The following CDH22 variants were observed in gnomAD, a reference collection of about 807,000 sequenced individuals.
The protein encoded by CDH22 is cadherin 22.
CDH22 carries 30 observed loss-of-function variants against 58.4 expected under a neutral mutation model. The ratio of observed to expected loss-of-function variants is 0.51; its 90% CI spans 0.38 to 0.70. CDH22 has a LOEUF of 0.70. CDH22 is among the 30% of genes least tolerant of loss of function. The pLI is 0.00. For missense variants in CDH22, 1,014 were observed against 1,233.9 expected (o/e 0.82, Z 2.67); for synonymous variants, 513 against 558.2 (o/e 0.92, Z 1.14).
At chr20:46,227,380 T>C in intron 4 of CDH22, 128 bp downstream of exon 4, 1 of 858,544 alleles carries the variant, frequency 1.2e-6, no homozygotes, top group Admixed American at 2.3e-5. Flanking sequence ...GTGCACAAGG[T>C]GCCCCCTGTG....
Position 46,199,435 on chromosome 20 carries a change from C to T in CDH22, c.1411G>A (p.Ala471Thr), listed in dbSNP as rs1204863589. The change falls in exon 8 of 12, where the codon GCC (alanine) becomes ACC (threonine). Residue 471 changes from alanine (A) to threonine (T), a missense_variant. By Grantham distance (58) the Ala-to-Thr change is moderately conservative. Around this residue, in one of 2 missense-constraint regions of CDH22, gnomAD observed 806 missense variants for 1,038.7 expected, o/e 0.78. Transcript: ENST00000537909. ...TAGWHNITVLAMEADNHAQLS... is the reference protein window; with the variant it reads ...TAGWHNITVLTMEADNHAQLS... Reference sequence around the variant, plus strand: ...GCGCCCAGCTCACCCGCCTCCATGGCCAGCACTGTGATGTTGTGCCAGCCG... The same window carrying T: ...GCGCCCAGCTCACCCGCCTCCATGGTCAGCACTGTGATGTTGTGCCAGCCG... The T allele has an allele frequency of 6.2e-7, 1 of 1,611,606 alleles. No homozygotes were observed. Among genetic ancestry groups the T allele is most frequent in the Non-Finnish European group, 8.5e-7 (1 of 1,179,894 alleles).
At chr20:46,235,138 G>A (rs1431918773) in intron 3 of CDH22, among the ~76,000 whole-genome samples, 1 of 152,224 alleles carries the variant, frequency 6.6e-6, no homozygotes, top group African/African-American at 2.4e-5. Flanking sequence ...TAAAGTAGTG[G>A]TTAATAAATG....
intron 1 of CDH22, among the ~76,000 whole-genome samples, chr20:46,306,853 G>A (rs1171368706): frequency 6.6e-6 from 1 of 152,216 alleles, no homozygotes; most frequent in Non-Finnish European, 1.5e-5. Context: ...GGCACTGATG[G>A]ACACATATAC....
rs573813430 is a variant in CDH22 at position 46,227,671 on chromosome 20, C to G, written c.551-44G>C. ...GCGAGACAGGGGTCATCTGGGGCTGCGGAGCTCGTTCCCCCACTTCGCCTC... is the reference window on the plus strand; with the variant it reads ...GCGAGACAGGGGTCATCTGGGGCTGGGGAGCTCGTTCCCCCACTTCGCCTC... On this transcript the variant is annotated intron_variant, in intron 3 of 11. Transcript: ENST00000537909. 3.6e-5 allele frequency: 57 copies of G among 1,572,242 alleles called. No homozygotes were observed. In the African/African-American group the frequency reaches 7.0e-4, roughly 19 times the overall value.
intron 1 of CDH22, among the ~76,000 whole-genome samples, chr20:46,267,692 C>T (rs1459415363): frequency 6.6e-6 from 1 of 152,242 alleles, no homozygotes; most frequent in Non-Finnish European, 1.5e-5. Context: ...CCATGTGTGA[C>T]CTTGCATGAT....
chr20:46,223,382 C>A (rs1009493008), intron 4 of CDH22, among the ~76,000 whole-genome samples: 2 of 152,170 alleles, frequency 1.3e-5, no homozygotes, highest in African/African-American at 4.8e-5. Flanking sequence ...TCCCCATCTC[C>A]CCAAGGCTTA....
At chr20:46,177,271 G>T (rs183507469) in intron 11 of CDH22, among the ~76,000 whole-genome samples, 1 of 152,218 alleles carries the variant, frequency 6.6e-6, no homozygotes, top group South Asian at 2.1e-4. Context: ...TTACTTGGGT[G>T]GTTACAGCTG....
chr20:46,244,157 G>A (rs1568671425), intron 2 of CDH22, among the ~76,000 whole-genome samples: 2 of 152,148 alleles, frequency 1.3e-5, no homozygotes, highest in African/African-American at 2.4e-5. Flanking sequence ...TCATGTCCCT[G>A]CAGGCCTTGA....
rs995497456 is a variant in CDH22 at position 46,241,572 on chromosome 20, A to G, written c.256-315T>C. Among the ~76,000 whole-genome samples, 1 of 152,100 alleles carries G rather than the reference A, an allele frequency of 6.6e-6. No individual in the cohort carries two copies. The highest frequency in any genetic ancestry group is 1.5e-5 in the Non-Finnish European group (1 of 68,008). ...CCAGTGGCTTCCCATTGCCTTCACAAAGAAGTCCAGCACCACCTCCACACC... is the reference window on the plus strand; with the variant it reads ...CCAGTGGCTTCCCATTGCCTTCACAGAGAAGTCCAGCACCACCTCCACACC... On this transcript the variant is annotated intron_variant, in intron 2 of 11. Transcript: ENST00000537909. This position sits in a 1 kb window ranked among gnomAD's most constrained non-coding sequence, Gnocchi z 5.2.
rs763642139 is a variant in CDH22 at position 46,241,284 on chromosome 20, T to A, written c.256-27A>T. 6.4e-7 allele frequency: 1 copy of A among 1,557,094 alleles called. No homozygotes were observed. The highest frequency in any genetic ancestry group is 1.4e-5 in the African/African-American group (1 of 73,474). ...TGGGTAGGCAGAGAAGAAGGCAAGGTGGAGGCTGAGAAGGAAGCTCCTCTT... is the reference window on the plus strand; with the variant it reads ...TGGGTAGGCAGAGAAGAAGGCAAGGAGGAGGCTGAGAAGGAAGCTCCTCTT... On this transcript the variant is annotated intron_variant, in intron 2 of 11. Transcript: ENST00000537909. The surrounding 1 kb of genome is among the most constrained non-coding windows in gnomAD (Gnocchi z 5.2).
intron 1 of CDH22, among the ~76,000 whole-genome samples, chr20:46,283,314 A>G (rs1458770442): frequency 6.6e-6 from 1 of 152,122 alleles, no homozygotes; most frequent in African/African-American, 2.4e-5. Flanking sequence ...TGAGCTCCAG[A>G]ATTACACAGA....
intron 1 of CDH22, among the ~76,000 whole-genome samples, chr20:46,288,815 C>T (rs1265283369): frequency 1.3e-5 from 2 of 152,200 alleles, no homozygotes; most frequent in African/African-American, 4.8e-5. Flanking sequence ...TTGCCACCTT[C>T]ATTGTTAGCA....
At chr20:46,194,019 C>T (rs543222456) in intron 8 of CDH22, among the ~76,000 whole-genome samples, 45 of 152,216 alleles carry the variant, frequency 3.0e-4, no homozygotes, top group African/African-American at 9.9e-4. Context: ...ACAAAAACCA[C>T]ACACACAAAA....
chr20:46,214,758 C>T (rs1029562223), intron 5 of CDH22, among the ~76,000 whole-genome samples: 11 of 152,266 alleles, frequency 7.2e-5, no homozygotes, highest in Admixed American at 5.2e-4. Flanking sequence ...CCTTCCCAGA[C>T]CTCCAGGCTC....
At chr20:46,212,770 C>G (rs1358747619) in intron 6 of CDH22, among the ~76,000 whole-genome samples, 2 of 152,186 alleles carry the variant, frequency 1.3e-5, no homozygotes, top group African/African-American at 4.8e-5. Flanking sequence ...TGAACCCTGG[C>G]TCTGAGAACC....
At chr20:46,211,220 C>T (rs141577430) in intron 6 of CDH22, among the ~76,000 whole-genome samples, 44 of 152,302 alleles carry the variant, frequency 2.9e-4, no homozygotes, top group African/African-American at 8.9e-4. Context: ...TAGCTCTGAC[C>T]GTCTAAAGAC....
chr20:46,181,756 T>TTCGTTCGTTCC (rs1410990843), intron 10 of CDH22, among the ~76,000 whole-genome samples: 6 of 27,674 alleles, frequency 2.2e-4, no homozygotes, highest in Admixed American at 7.9e-4. Flanking sequence ...TCCTTCCTTC[T>TTCGTTCGTTCC]TTCTTTCTTT....
In CDH22 at chr20:46,186,568, C is replaced by G. The variant is rs1032703300; in HGVS notation, c.1663+20G>C. ...AGACTGTGCCCCTCCCTTCTTGCAT[C>G]CTAGGGTTTGGAGGCTCACCTTGGA... On this transcript the variant is annotated intron_variant, in intron 10 of 11. Coordinates refer to ENST00000537909, the MANE Select transcript of CDH22 (RefSeq NM_021248.3). 9.6e-6 allele frequency: 15 copies of G among 1,560,248 alleles called. 1 individual carries two copies. The highest frequency in any genetic ancestry group is 1.1e-5 in the Non-Finnish European group (13 of 1,134,468).
Position 46,181,748 on chromosome 20 carries a change from C to CTTTCTTTCT in CDH22, c.1664-3552_1664-3551insAGAAAGAAA, listed in dbSNP as rs1555800212. 5.9e-3 allele frequency among the ~76,000 whole-genome samples: 154 copies of CTTTCTTTCT among 26,294 alleles called. 1 individual carries two copies. Among genetic ancestry groups the CTTTCTTTCT allele is most frequent in the East Asian group, 0.033 (27 of 822 alleles). 17.2% of individuals were successfully genotyped at this position (26,294 alleles called of 152,430 possible). On this transcript the variant is annotated intron_variant, in intron 10 of 11. Transcript: ENST00000537909. ...CCTTCCTTCCTTCCTTCCTTCCTTC[C>CTTTCTTTCT]TTCCTTCTTTCTTTCTTTCTTTCTT...
Sources: allele counts gnomAD v4.1 joint callset (sites outside exome capture counted in the v4.1 genomes callset), GRCh38; gene constraint gnomAD v4.1.1; regional missense constraint gnomAD v4.1.1; non-coding constraint Gnocchi (gnomAD v3.1); transcripts MANE v1.5; gene names NCBI Gene and HGNC (gene_info 2026-07-23, HGNC 2026-07-21).